KDM6A: variants seen among roughly 807,000 people sequenced by gnomAD.
KDM6A encodes lysine-specific demethylase 6A.
KDM6A carries 11 observed loss-of-function variants against 117.6 expected under a neutral mutation model. That is an observed-to-expected ratio of 0.09 (90% CI 0.06 to 0.15). KDM6A has a LOEUF of 0.15. Among genes scored for constraint, KDM6A ranks in the 10% least tolerant of loss-of-function variants. KDM6A has a pLI of 1.00. For synonymous variants in KDM6A, 384 were observed against 396.1 expected (o/e 0.97, Z 0.36); for missense variants, 799 against 1,077.3 (o/e 0.74, Z 3.62).
chrX:45,020,774 G>GT (rs1569521772), intron 6 of KDM6A, 44 bp downstream of exon 6: 4 of 1,175,015 alleles, frequency 3.4e-6, no homozygotes, highest in Admixed American at 2.2e-5. Context: ...TAATTTTGTG[G>GT]TTTTTTTGTT....
intron 3 of KDM6A, among the ~76,000 whole-genome samples, chrX:44,962,660 G>T (rs760276781): frequency 8.9e-6 from 1 of 112,097 alleles, no homozygotes; most frequent in African/African-American, 3.3e-5. Context: ...TGCGAATATT[G>T]TAATAAAACC....
rs559291377 is a variant in KDM6A, at chrX:44,996,050, A to ATTAT, written c.385-14894_385-14891dup. 1.1e-4 allele frequency among the ~76,000 whole-genome samples: 12 copies of ATTAT among 111,171 alleles called. No individual in the cohort carries two copies. In the East Asian group the frequency reaches 2.3e-3, roughly 21 times the overall value. Reference sequence around the variant, plus strand: ...AACTTGTTTCATGAGTCTTTCTGAAATTATTTATTTATTTATTTATATTTG... The same window carrying ATTAT: ...AACTTGTTTCATGAGTCTTTCTGAAATTATTTATTTATTTATTTATTTATATTTG... On this transcript the variant is annotated intron_variant, in intron 4 of 29. Transcript: ENST00000611820.
At chrX:45,077,339 T>C (rs1013006698) in intron 19 of KDM6A, among the ~76,000 whole-genome samples, 5 of 111,514 alleles carry the variant, frequency 4.5e-5, no homozygotes, top group Non-Finnish European at 9.5e-5. Context: ...GAATCTGATA[T>C]AGGAAGTCAT....
intron 2 of KDM6A, among the ~76,000 whole-genome samples, chrX:44,874,890 C>G (rs2031331063): frequency 9.0e-6 from 1 of 111,351 alleles, no homozygotes; most frequent in African/African-American, 3.3e-5. Context: ...AAAAATTACC[C>G]AAGATTATTT....
At chrX:45,072,236 G>C (rs2044883339) in intron 18 of KDM6A, among the ~76,000 whole-genome samples, 1 of 110,545 alleles carries the variant, frequency 9.0e-6, no homozygotes, top group Non-Finnish European at 1.9e-5. Flanking sequence ...CACGTTGTTG[G>C]CAGCATTTTC....
At chrX:44,942,864 G>A (rs2037414623) in intron 2 of KDM6A, among the ~76,000 whole-genome samples, 1 of 110,241 alleles carries the variant, frequency 9.1e-6, no homozygotes, top group South Asian at 3.8e-4. Flanking sequence ...GAATATAATT[G>A]ACTATTGTAT....
At chrX:44,886,339 C>G (rs2032876670) in intron 2 of KDM6A, among the ~76,000 whole-genome samples, 1 of 111,300 alleles carries the variant, frequency 9.0e-6, no homozygotes, top group Non-Finnish European at 1.9e-5. Flanking sequence ...TGAGCCACTG[C>G]ACCTGACCTA....
intron 5 of KDM6A, among the ~76,000 whole-genome samples, chrX:45,015,225 C>A (rs2041914026): frequency 9.1e-6 from 1 of 110,344 alleles, no homozygotes; most frequent in Admixed American, 9.7e-5. Flanking sequence ...ACCTCAGCCT[C>A]CCGAATAGCT....
chrX:45,017,439 TC>T (rs1260342792), intron 5 of KDM6A, among the ~76,000 whole-genome samples: 14 of 111,294 alleles, frequency 1.3e-4, no homozygotes, highest in African/African-American at 4.3e-4. Flanking sequence ...ACCCTCCCAC[TC>T]CCTCAACTCT....
At chrX:44,950,508 A>G (rs1200758360) in intron 2 of KDM6A, among the ~76,000 whole-genome samples, 5 of 112,056 alleles carry the variant, frequency 4.5e-5, no homozygotes, top group Non-Finnish European at 9.4e-5. Context: ...TTAGGATGCT[A>G]CAAAAAAATT....
intron 4 of KDM6A, among the ~76,000 whole-genome samples, chrX:44,995,903 C>G (rs2090601210): frequency 8.9e-6 from 1 of 111,871 alleles, no homozygotes; most frequent in African/African-American, 3.3e-5. Context: ...CACAAAAATT[C>G]TAAATGCCAG....
chrX:44,985,229 G>A (rs2040148428), intron 4 of KDM6A, among the ~76,000 whole-genome samples: 1 of 111,665 alleles, frequency 9.0e-6, no homozygotes, highest in Admixed American at 9.5e-5. Flanking sequence ...TGGTGTATAA[G>A]AATGCTTATG....
intron 2 of KDM6A, among the ~76,000 whole-genome samples, chrX:44,925,253 G>T (rs1030614847): frequency 9.0e-6 from 1 of 110,975 alleles, no homozygotes. Context: ...CAGATTCCCA[G>T]TCCATTTTTG....
intron 2 of KDM6A, among the ~76,000 whole-genome samples, chrX:44,883,034 T>C (rs1010870672): frequency 6.3e-5 from 7 of 110,275 alleles, no homozygotes; most frequent in Non-Finnish European, 1.3e-4. Context: ...ACTCCTGTTT[T>C]CAACGGTTCT....
intron 2 of KDM6A, among the ~76,000 whole-genome samples, chrX:44,933,260 ATTTTTTTTTTTTT>A (rs56098621): frequency 2.7e-5 from 1 of 36,541 alleles, no homozygotes; most frequent in Non-Finnish European, 4.5e-5. Flanking sequence ...GTTTATGTTG[ATTTTTTTTTTTTT>A]TTTTTTTTTT....
At chrX:44,988,433 C>T (rs780761197) in intron 4 of KDM6A, among the ~76,000 whole-genome samples, 1 of 111,708 alleles carries the variant, frequency 9.0e-6, no homozygotes, top group Admixed American at 9.5e-5. Flanking sequence ...CTCCATCCAG[C>T]TTTGTTCCGT....
At chrX:45,098,667 A>G (rs931376674) in intron 27 of KDM6A, among the ~76,000 whole-genome samples, 1 of 112,326 alleles carries the variant, frequency 8.9e-6, no homozygotes, top group Non-Finnish European at 1.9e-5. Context: ...AAGGAGTCTG[A>G]GATAATACAT....
intron 4 of KDM6A, among the ~76,000 whole-genome samples, chrX:44,998,577 G>GTTTTA (rs1272312078): frequency 9.1e-6 from 1 of 110,350 alleles, no homozygotes; most frequent in Admixed American, 9.6e-5. Context: ...GTTTTGTTTT[G>GTTTTA]TTTTATTTTA....
intron 28 of KDM6A, among the ~76,000 whole-genome samples, chrX:45,108,535 T>C (rs1288957420): frequency 9.0e-6 from 1 of 110,603 alleles, no homozygotes; most frequent in African/African-American, 3.3e-5. Context: ...TGTAAACTAG[T>C]TCAACCATTG....
Sources: gnomAD v4.1 joint callset for allele counts (sites outside exome capture counted in the v4.1 genomes callset) on GRCh38, gnomAD v4.1.1 for gene constraint, MANE v1.5 for transcripts, NCBI Gene and HGNC (gene_info 2026-07-23, HGNC 2026-07-21) for gene names.